The following CDKL4 variants were observed in gnomAD, a reference collection of about 807,000 sequenced individuals.
The protein encoded by CDKL4 is cyclin dependent kinase like 4, also known as cyclin-dependent kinase-like 4.
In CDKL4, 44 loss-of-function variants were observed where a neutral mutation model predicts 42.0. That is an observed-to-expected ratio of 1.05 (90% CI 0.82 to 1.35). CDKL4 has a LOEUF of 1.35. Among genes scored for constraint, CDKL4 ranks in the 40% most tolerant of loss-of-function variants. The pLI is 0.00. For missense variants in CDKL4, 393 were observed against 369.9 expected, an observed-to-expected ratio of 1.06 and a Z score of -0.51; for synonymous variants, 120 against 121.6, an observed-to-expected ratio of 0.99 and a Z score of 0.09.
At chr2:39,203,952 G>A (rs1677002488) in intron 5 of CDKL4, among the ~76,000 whole-genome samples, 1 of 152,158 alleles carries the variant, frequency 6.6e-6, no homozygotes, top group Admixed American at 6.6e-5. Context: ...CAGACTGCGA[G>A]GTGTATGTTG....
rs537996583 is a variant in CDKL4 at position 39,204,679 on chromosome 2, C to T, written c.364-62G>A. On this transcript the variant is annotated intron_variant, in intron 4 of 9. Transcript: ENST00000451199. ...CAAAATGACAAAGAATAAACATTAA[C>T]TACTAGTTTAAATAACAGATACACA... The T allele has an allele frequency of 1.4e-5, 12 of 886,028 alleles. No homozygotes were observed. The East Asian group carries it at 2.3e-4, about 17-fold the overall frequency. 54.9% of individuals were successfully genotyped at this position (886,028 alleles called of 1,614,324 possible).
chr2:39,175,492 G>C (rs1475570734), downstream of CDKL4, among the ~76,000 whole-genome samples: 2 of 152,088 alleles, frequency 1.3e-5, no homozygotes, highest in African/African-American at 4.8e-5. Context: ...ACCTTTCAAG[G>C]TTCCCTTTCT....
intron 3 of CDKL4, among the ~76,000 whole-genome samples, chr2:39,225,078 C>T (rs1274360930): frequency 1.3e-5 from 2 of 152,126 alleles, no homozygotes; most frequent in Non-Finnish European, 1.5e-5. Flanking sequence ...TGTTTCCTCA[C>T]TTTAATGAAA....
At chr2:39,173,625 C>T (rs981297638), downstream of CDKL4, among the ~76,000 whole-genome samples, 1 of 151,986 alleles carries the variant, frequency 6.6e-6, no homozygotes, top group African/African-American at 2.4e-5. Flanking sequence ...CTGGCTAACA[C>T]GGTGAAACCC....
chr2:39,218,888 A>G (rs72921021), intron 3 of CDKL4, among the ~76,000 whole-genome samples: 1 of 152,144 alleles, frequency 6.6e-6, no homozygotes, highest in African/African-American at 2.4e-5. Flanking sequence ...AGTCAATACC[A>G]ATAATAAATT....
intron 8 of CDKL4, among the ~76,000 whole-genome samples, chr2:39,179,842 A>G (rs575588426): frequency 2.0e-4 from 31 of 152,224 alleles, no homozygotes; most frequent in Non-Finnish European, 3.7e-4. Context: ...TGAGAACCTC[A>G]GTCATGAGAA....
At chr2:39,187,772 G>A in intron 6 of CDKL4, 63 bp from the exon 7 acceptor site, 1 of 1,123,264 alleles carries the variant, frequency 8.9e-7, no homozygotes, top group Non-Finnish European at 1.3e-6. Flanking sequence ...GTGTTTAAAT[G>A]GTTAATGCCT....
At chr2:39,196,165 C>G (rs1676505870) in intron 5 of CDKL4, among the ~76,000 whole-genome samples, 2 of 152,172 alleles carry the variant, frequency 1.3e-5, no homozygotes, top group South Asian at 4.1e-4. Flanking sequence ...GGAGGTCAAC[C>G]AACATAAAAC....
chr2:39,239,780 T>A (rs746674616), intron 1 of CDKL4, among the ~76,000 whole-genome samples: 2 of 152,172 alleles, frequency 1.3e-5, no homozygotes, highest in East Asian at 1.9e-4. Context: ...GGAAAACAGT[T>A]TGGCAATGTC....
chr2:39,180,779 C>T (rs991659800), intron 8 of CDKL4, among the ~76,000 whole-genome samples: 2 of 151,728 alleles, frequency 1.3e-5, no homozygotes, highest in Non-Finnish European at 2.9e-5. Context: ...CAAACTCCAC[C>T]TCCCAGGTTT....
chr2:39,214,923 A>C (rs1349473107), intron 3 of CDKL4, among the ~76,000 whole-genome samples: 1 of 152,204 alleles, frequency 6.6e-6, no homozygotes, highest in Non-Finnish European at 1.5e-5. Context: ...GGTCTGGGAA[A>C]CTTACTCTGG....
At chr2:39,206,334 G>T (rs573652506) in intron 4 of CDKL4, among the ~76,000 whole-genome samples, 1 of 152,252 alleles carries the variant, frequency 6.6e-6, no homozygotes, top group South Asian at 2.1e-4. Context: ...CGCCCACCTC[G>T]GTCTCCCAAA....
chr2:39,182,791 G>T (rs750777308), intron 8 of CDKL4, among the ~76,000 whole-genome samples: 1 of 152,176 alleles, frequency 6.6e-6, no homozygotes, highest in Non-Finnish European at 1.5e-5. Flanking sequence ...AAATAAGAAA[G>T]ATTGTGCTCA....
intron 5 of CDKL4, among the ~76,000 whole-genome samples, chr2:39,204,324 G>A (rs1294636866): frequency 6.6e-6 from 1 of 152,230 alleles, no homozygotes; most frequent in Non-Finnish European, 1.5e-5. Flanking sequence ...AGCACAGAAA[G>A]GTGACATCTG....
At chr2:39,192,904 T>C (rs1329344064) in intron 5 of CDKL4, among the ~76,000 whole-genome samples, 1 of 151,852 alleles carries the variant, frequency 6.6e-6, no homozygotes, top group Non-Finnish European at 1.5e-5. Context: ...GGCAGGCGGA[T>C]CGTGTGAGCC....
intron 8 of CDKL4, among the ~76,000 whole-genome samples, chr2:39,180,013 G>C (rs1248079743): frequency 1.3e-5 from 2 of 152,048 alleles, no homozygotes; most frequent in Non-Finnish European, 2.9e-5. Context: ...GGGGTCAGTG[G>C]GGGTCCTGAC....
chr2:39,178,995 A>C (rs1190180314), intron 9 of CDKL4, 192 bp downstream of exon 9: 1 of 1,443,510 alleles, frequency 6.9e-7, no homozygotes, highest in African/African-American at 1.4e-5. Context: ...AGATTTTTGC[A>C]ATAATCTTGA....
In CDKL4 at chr2:39,215,993, C is replaced by T. The variant is rs140282062; in HGVS notation, c.291-2521G>A. 2.0e-3 allele frequency among the ~76,000 whole-genome samples: 306 copies of T among 152,264 alleles called. 2 individuals carry two copies. The highest frequency in any genetic ancestry group is 7.1e-3 in the African/African-American group (295 of 41,530). On this transcript the variant is annotated intron_variant, in intron 3 of 9. Transcript: ENST00000451199. ...TAGAGCCAAACCTGAAACAACATTG[C>T]GTACACTTTCAAAATATGAGGCAGG...
intron 8 of CDKL4, among the ~76,000 whole-genome samples, chr2:39,183,999 T>G (rs1269075521): frequency 1.3e-5 from 2 of 152,276 alleles, no homozygotes; most frequent in South Asian, 2.1e-4. Context: ...CCTAAGGGCA[T>G]GTTTAAAGAT....
Sources: gnomAD v4.1 joint callset for allele counts (sites outside exome capture counted in the v4.1 genomes callset) on GRCh38, gnomAD v4.1.1 for gene constraint, MANE v1.5 for transcripts, NCBI Gene and HGNC (gene_info 2026-07-23, HGNC 2026-07-21) for gene names.